Variants in BNC2 observed in about 807,000 individuals in gnomAD.
BNC2 encodes zinc finger protein basonuclin-2.
In BNC2, 20 loss-of-function variants were observed where a neutral mutation model predicts 76.3. The observed-to-expected ratio is 0.26, with a 90% confidence interval of 0.18 to 0.38. The LOEUF is 0.38. BNC2 is among the 10% of genes least tolerant of loss of function. The pLI, the probability that BNC2 is intolerant of heterozygous loss-of-function variation, is 1.00. For missense variants in BNC2, 1,382 were observed against 1,399.8 expected (o/e 0.99, Z 0.20); for synonymous variants, 582 against 514.8 (o/e 1.13, Z -1.77).
chr9:16,685,470 T>A, intron 3 of BNC2: 1 of 896,700 alleles, frequency 1.1e-6, no homozygotes, highest in Admixed American at 2.3e-5. Flanking sequence ...ATGACGCTGA[T>A]ATACCCAAAT....
chr9:16,496,918 A>G (rs999488401), intron 5 of BNC2, among the ~76,000 whole-genome samples: 3 of 152,180 alleles, frequency 2.0e-5, no homozygotes, highest in Admixed American at 6.5e-5. Context: ...TTACCTCACA[A>G]CTTTGGTTCC....
chr9:16,469,992 CTTTTTTTTTT>C (rs201134930), intron 5 of BNC2, among the ~76,000 whole-genome samples: 2 of 114,958 alleles, frequency 1.7e-5, no homozygotes, highest in Admixed American at 9.3e-5. Context: ...TAATGGCATT[CTTTTTTTTTT>C]TTTTTTTTTT....
At chr9:16,738,211 A>C in intron 2 of BNC2, 149 bp downstream of exon 2, 1 of 857,024 alleles carries the variant, frequency 1.2e-6, no homozygotes, top group Non-Finnish European at 1.9e-6. Flanking sequence ...GGAAGCAAAT[A>C]AATACCTGAG....
chr9:16,790,846 G>C (rs887051980), intron 1 of BNC2, among the ~76,000 whole-genome samples: 2 of 122,820 alleles, frequency 1.6e-5, no homozygotes, highest in Admixed American at 9.1e-5. Context: ...TAAGAATGCT[G>C]TTTACAATTA....
intron 1 of BNC2, among the ~76,000 whole-genome samples, chr9:16,770,420 C>T (rs532209375): frequency 6.3e-4 from 96 of 152,262 alleles, no homozygotes; most frequent in African/African-American, 2.1e-3. Context: ...TTACTGACAT[C>T]GACATCTCTA....
At chr9:16,433,734 T>C (rs1028565029) in intron 6 of BNC2, among the ~76,000 whole-genome samples, 6 of 152,214 alleles carry the variant, frequency 3.9e-5, no homozygotes, top group Non-Finnish European at 7.3e-5. Flanking sequence ...TCACAGCTAT[T>C]TATTCCAGTG....
chr9:16,747,106 A>G (rs894746303), intron 1 of BNC2, among the ~76,000 whole-genome samples: 3 of 152,224 alleles, frequency 2.0e-5, no homozygotes, highest in African/African-American at 7.2e-5. Flanking sequence ...CTACGAAAGT[A>G]CAGATTATTA....
intron 5 of BNC2, among the ~76,000 whole-genome samples, chr9:16,493,245 C>A (rs1446992268): frequency 6.6e-6 from 1 of 152,178 alleles, no homozygotes; most frequent in Non-Finnish European, 1.5e-5. Flanking sequence ...ATTTCCCAAC[C>A]AGTGCATCCT....
intron 5 of BNC2, among the ~76,000 whole-genome samples, chr9:16,478,797 T>C (rs1213655985): frequency 6.6e-6 from 1 of 152,252 alleles, no homozygotes; most frequent in Non-Finnish European, 1.5e-5. Context: ...AGAGTACCTC[T>C]AAATTGAAGT....
intron 1 of BNC2, among the ~76,000 whole-genome samples, chr9:16,756,733 T>A (rs538530677): frequency 2.2e-4 from 34 of 152,320 alleles, no homozygotes; most frequent in Admixed American, 1.6e-3. Context: ...CTCACGCCTA[T>A]AATCCCAGCA....
At chr9:16,420,396 T>A (rs1243216886) in intron 6 of BNC2, among the ~76,000 whole-genome samples, 1 of 152,068 alleles carries the variant, frequency 6.6e-6, no homozygotes, top group Non-Finnish European at 1.5e-5. Flanking sequence ...TCCAAAATAT[T>A]TTCATCGAGT....
At chr9:16,604,662 G>A (rs1197248948) in intron 3 of BNC2, among the ~76,000 whole-genome samples, 3 of 151,924 alleles carry the variant, frequency 2.0e-5, no homozygotes, top group African/African-American at 4.8e-5. Context: ...ACAATTAGCC[G>A]GGCGTGGTGG....
intron 4 of BNC2, among the ~76,000 whole-genome samples, chr9:16,561,622 A>G (rs1208275331): frequency 6.6e-6 from 1 of 152,194 alleles, no homozygotes; most frequent in Non-Finnish European, 1.5e-5. Flanking sequence ...AAATAAAGGT[A>G]GATACTTGGC....
At chr9:16,716,442 T>G (rs1312607372) in intron 3 of BNC2, among the ~76,000 whole-genome samples, 3 of 152,186 alleles carry the variant, frequency 2.0e-5, no homozygotes, top group African/African-American at 7.2e-5. Flanking sequence ...CACCATGCAC[T>G]TCTTTATATC....
chr9:16,575,166 G>T, intron 4 of BNC2: 1 of 623,338 alleles, frequency 1.6e-6, no homozygotes, highest in Non-Finnish European at 2.0e-6. Context: ...ATACAACTTG[G>T]CAAGATTCTA....
rs58068661 is a variant in BNC2 at position 16,811,230 on chromosome 9, C to CAAAAAAAAAAAAA, written c.3+59403_3+59415dup. Among the ~76,000 whole-genome samples the CAAAAAAAAAAAAA allele has an allele frequency of 8.2e-4, 80 of 97,498 alleles. 1 individual carries two copies. The highest frequency in any genetic ancestry group is 1.2e-3 in the South Asian group (4 of 3,442). The allele number at this position is 97,498 out of a possible 152,430, so 64.0% of individuals were successfully genotyped here. A position where few individuals can be genotyped will look rare whatever the true frequency, so the allele number is the denominator to read the frequency against. On this transcript the variant is annotated intron_variant, in intron 1 of 6. Transcript: ENST00000380672. ...AGAGCGAGACTTCGTCTCAAAAGACCAAAAAAAAAAAAAACCAAAAAAACC... is the reference window on the plus strand; with the variant it reads ...AGAGCGAGACTTCGTCTCAAAAGACCAAAAAAAAAAAAAAAAAAAAAAAAAAACCAAAAAAACC...
At chr9:16,527,640 G>T (rs1260166994) in intron 5 of BNC2, among the ~76,000 whole-genome samples, 1 of 152,070 alleles carries the variant, frequency 6.6e-6, no homozygotes, top group African/African-American at 2.4e-5. Flanking sequence ...ACTAGGGAGC[G>T]GCTAAAGAGT....
rs527569635 is a variant in BNC2, at chr9:16,635,150, G to C, written c.331-52065C>G. Among the ~76,000 whole-genome samples the C allele has an allele frequency of 3.3e-5, 5 of 152,282 alleles. No homozygotes were observed. The South Asian group carries it at 1.0e-3, about 32-fold the overall frequency. On this transcript the variant is annotated intron_variant, in intron 3 of 6. Transcript: ENST00000380672. Reference sequence around the variant, plus strand: ...AGCAATTTGTCTGTTCAGGTATTTAGTCTATGAAGCCAAGGCTTTTAAATT... The same window carrying C: ...AGCAATTTGTCTGTTCAGGTATTTACTCTATGAAGCCAAGGCTTTTAAATT...
At chr9:16,434,516 A>G (rs1820963878) in intron 6 of BNC2, among the ~76,000 whole-genome samples, 1 of 152,266 alleles carries the variant, frequency 6.6e-6, no homozygotes, top group African/African-American at 2.4e-5. Flanking sequence ...CGCATCTGAT[A>G]TAATGGGAAT....
Sources: allele counts gnomAD v4.1 joint callset (sites outside exome capture counted in the v4.1 genomes callset), GRCh38; gene constraint gnomAD v4.1.1; transcripts MANE v1.5; gene names NCBI Gene and HGNC (gene_info 2026-07-23, HGNC 2026-07-21).